The following MALRD1 variants were observed in gnomAD, a reference collection of about 807,000 sequenced individuals.
The protein encoded by MALRD1 is MAM and LDL-receptor class A domain-containing protein 1.
A neutral mutation model predicts 242.1 loss-of-function variants in MALRD1; 247 were observed. The ratio of observed to expected loss-of-function variants is 1.02; its 90% CI spans 0.92 to 1.13. The LOEUF (loss-of-function observed/expected upper bound fraction) is 1.13, where lower values mean the gene tolerates loss of function less well. MALRD1 is among the 50% of genes most tolerant of loss of function. The pLI is 0.00. For synonymous variants in MALRD1, 995 were observed against 866.6 expected (o/e 1.15, Z -2.60); for missense variants, 2,989 against 2,533.1 (o/e 1.18, Z -3.86).
intron 36 of MALRD1, among the ~76,000 whole-genome samples, chr10:19,647,451 T>C (rs912698964): frequency 6.6e-6 from 1 of 152,070 alleles, no homozygotes; most frequent in African/African-American, 2.4e-5. Context: ...CTGTTACAAA[T>C]GGGCTGCACT....
intron 21 of MALRD1, among the ~76,000 whole-genome samples, chr10:19,319,970 A>G (rs992853387): frequency 6.7e-6 from 1 of 149,506 alleles, no homozygotes; most frequent in Admixed American, 6.7e-5. Flanking sequence ...CTTAATTTTT[A>G]GAGTTATTTT....
intron 32 of MALRD1, among the ~76,000 whole-genome samples, chr10:19,547,350 G>A (rs1293312738): frequency 6.6e-6 from 1 of 151,974 alleles, no homozygotes; most frequent in Non-Finnish European, 1.5e-5. Flanking sequence ...AAGAACGACT[G>A]CCCGACTGGA....
intron 38 of MALRD1, among the ~76,000 whole-genome samples, chr10:19,718,763 A>T (rs1834543363): frequency 6.6e-6 from 1 of 151,976 alleles, no homozygotes; most frequent in South Asian, 2.1e-4. Flanking sequence ...CTTGCATCTA[A>T]TTTTTCTAAT....
At chr10:19,609,517 G>T (rs932750450) in intron 35 of MALRD1, among the ~76,000 whole-genome samples, 9 of 151,992 alleles carry the variant, frequency 5.9e-5, no homozygotes, top group African/African-American at 1.9e-4. Flanking sequence ...ATAGGCTTTT[G>T]TAAACCCAAT....
chr10:19,349,776 T>C (rs1479950538), intron 25 of MALRD1, among the ~76,000 whole-genome samples: 1 of 152,170 alleles, frequency 6.6e-6, no homozygotes, highest in Non-Finnish European at 1.5e-5. Context: ...AAATATTAAA[T>C]ACAAAATACG....
intron 1 of MALRD1, among the ~76,000 whole-genome samples, chr10:19,058,716 A>G (rs553750172): frequency 6.6e-6 from 1 of 152,270 alleles, no homozygotes; most frequent in South Asian, 2.1e-4. Context: ...AAAATTCTTG[A>G]AAACAACTCA....
chr10:19,294,570 A>G (rs1841602753), intron 21 of MALRD1, among the ~76,000 whole-genome samples: 1 of 152,220 alleles, frequency 6.6e-6, no homozygotes. Flanking sequence ...AAGTAGATGT[A>G]TAAAACCCAG....
At chr10:19,306,301 C>T (rs946831354) in intron 21 of MALRD1, among the ~76,000 whole-genome samples, 3 of 133,680 alleles carry the variant, frequency 2.2e-5, no homozygotes, top group South Asian at 4.6e-4. Context: ...TATATAGTGT[C>T]GTATATATAC....
chr10:19,201,984 T>G (rs1165430567), intron 14 of MALRD1, among the ~76,000 whole-genome samples: 2 of 152,002 alleles, frequency 1.3e-5, no homozygotes, highest in Non-Finnish European at 2.9e-5. Context: ...CCCAGCTAAT[T>G]TTTGTATTTT....
At chr10:19,459,473 T>A (rs531695191) in intron 29 of MALRD1, among the ~76,000 whole-genome samples, 2 of 152,272 alleles carry the variant, frequency 1.3e-5, no homozygotes, top group East Asian at 3.9e-4. Context: ...TGCATTGTTC[T>A]TCATTAAGCC....
intron 21 of MALRD1, among the ~76,000 whole-genome samples, 163 bp downstream of exon 21, chr10:19,283,344 A>G (rs1301741410): frequency 6.6e-6 from 1 of 152,202 alleles, no homozygotes; most frequent in Non-Finnish European, 1.5e-5. Flanking sequence ...AAAATTATCA[A>G]TTAAAAAAGC....
chr10:19,489,492 G>A, intron 29 of MALRD1: 1 of 554,436 alleles, frequency 1.8e-6, no homozygotes, highest in East Asian at 5.6e-5. Context: ...GTAAATGCAA[G>A]TTGTTTAGTA....
At chr10:19,689,649 A>G (rs370607142) in intron 36 of MALRD1, among the ~76,000 whole-genome samples, 1 of 152,166 alleles carries the variant, frequency 6.6e-6, no homozygotes, top group East Asian at 1.9e-4. Context: ...TTATACAACG[A>G]TATGAAAATA....
chr10:19,270,728 T>C (rs571666745), intron 19 of MALRD1, among the ~76,000 whole-genome samples: 1 of 150,926 alleles, frequency 6.6e-6, no homozygotes, highest in Admixed American at 6.6e-5. Flanking sequence ...ATTTTCAGAG[T>C]TCTAAAAACT....
chr10:19,183,628 C>A (rs532716571), intron 14 of MALRD1, among the ~76,000 whole-genome samples: 1 of 152,054 alleles, frequency 6.6e-6, no homozygotes, highest in African/African-American at 2.4e-5. Flanking sequence ...CTACTTCAAA[C>A]GGGTTATTAA....
intron 13 of MALRD1, among the ~76,000 whole-genome samples, chr10:19,170,934 C>T (rs953860001): frequency 2.0e-5 from 3 of 152,028 alleles, no homozygotes; most frequent in African/African-American, 7.2e-5. Context: ...CATCATCATT[C>T]TTCAAAAATT....
At chr10:19,272,269 A>AT (rs1229690409) in intron 19 of MALRD1, among the ~76,000 whole-genome samples, 4 of 151,716 alleles carry the variant, frequency 2.6e-5, no homozygotes, top group East Asian at 3.9e-4. Context: ...AGGTCATTAA[A>AT]TTTTTTTTTA....
At position 19,054,292 on chromosome 10, in the gene MALRD1, G is replaced by A. The variant is rs114958051; in HGVS notation, c.199+5155G>A. On this transcript the variant is annotated intron_variant, in intron 1 of 39. Transcript: ENST00000454679. Reference sequence around the variant, plus strand: ...AGTTATAATTGTATACAATTATGGGGTACACAGTCATAATATAAGTATATA... The same window carrying A: ...AGTTATAATTGTATACAATTATGGGATACACAGTCATAATATAAGTATATA... Among the ~76,000 whole-genome samples the A allele has an allele frequency of 5.3e-3, 799 of 151,736 alleles. 10 individuals are homozygous for A. Among genetic ancestry groups the A allele is most frequent in the African/African-American group, 0.018 (748 of 41,376 alleles).
At chr10:19,685,061 C>T (rs1278172332) in intron 36 of MALRD1, among the ~76,000 whole-genome samples, 1 of 152,028 alleles carries the variant, frequency 6.6e-6, no homozygotes, top group Admixed American at 6.6e-5. Context: ...TTTTTCAAAG[C>T]ACAGATACAG....
Sources: gnomAD v4.1 joint callset for allele counts (sites outside exome capture counted in the v4.1 genomes callset) on GRCh38, gnomAD v4.1.1 for gene constraint, MANE v1.5 for transcripts, NCBI Gene and HGNC (gene_info 2026-07-23, HGNC 2026-07-21) for gene names.